Variants in MARCHF1 observed in about 807,000 individuals in gnomAD.
The protein encoded by MARCHF1 is membrane associated ring-CH-type finger 1, also known as E3 ubiquitin-protein ligase MARCHF1.
In MARCHF1, 40 loss-of-function variants were observed where a neutral mutation model predicts 54.2. The ratio of observed to expected loss-of-function variants is 0.74; its 90% CI spans 0.57 to 0.96. The LOEUF is 0.96. Among genes scored for constraint, MARCHF1 ranks in the 40% least tolerant of loss-of-function variants. The pLI, the probability that MARCHF1 is intolerant of heterozygous loss-of-function variation, is 0.00. For synonymous variants in MARCHF1, 236 were observed against 236.3 expected, an observed-to-expected ratio of 1.00 and a Z score of 0.01; for missense variants, 586 against 656.5, an observed-to-expected ratio of 0.89 and a Z score of 1.17.
chr4:163,692,016 A>G (rs1341972545), intron 5 of MARCHF1, among the ~76,000 whole-genome samples: 2 of 152,094 alleles, frequency 1.3e-5, no homozygotes, highest in East Asian at 1.9e-4. Flanking sequence ...ATGTGGTGCA[A>G]TTTGTCTGGC....
chr4:164,375,694 C>T (rs1422104050), intron 1 of MARCHF1, among the ~76,000 whole-genome samples: 2 of 152,174 alleles, frequency 1.3e-5, no homozygotes, highest in Non-Finnish European at 2.9e-5. Context: ...TGCACACACA[C>T]ATGTACAATT....
intron 4 of MARCHF1, among the ~76,000 whole-genome samples, chr4:163,734,491 A>T (rs949114396): frequency 2.0e-5 from 3 of 151,958 alleles, no homozygotes; most frequent in African/African-American, 7.2e-5. Context: ...AACGGCTGAC[A>T]CACAAAACAG....
chr4:164,167,405 G>A (rs1182406911), intron 1 of MARCHF1, among the ~76,000 whole-genome samples: 3 of 151,740 alleles, frequency 2.0e-5, no homozygotes, highest in Non-Finnish European at 4.4e-5. Flanking sequence ...TTCTAATGAT[G>A]TCCTTCACAA....
chr4:163,613,006 G>T lies in MARCHF1; in HGVS notation c.275C>A (p.Ser92Ter). 1 of 1,518,502 alleles carries T rather than the reference G, an allele frequency of 6.6e-7. No homozygotes were observed. Among genetic ancestry groups the T allele is most frequent in the Non-Finnish European group, 8.8e-7 (1 of 1,140,962 alleles). 94.1% of individuals were successfully genotyped at this position (1,518,502 alleles called of 1,614,324 possible). ...CATGACAGGGGTGCAATACTCAAAT[G>T]ACTCTTCTGACATGTCATGCAAGAT... ...SAILHDMSEE[S>*]FEYCTPVMVL... Residue 92 changes from serine to a stop codon, truncating the protein, a stop_gained, in exon 7 of 10, where the codon TCA (serine) becomes TAA (stop). Coordinates refer to ENST00000514618, the MANE Select transcript of MARCHF1 (RefSeq NM_001394959.1). LOFTEE classifies it high-confidence loss of function.
intron 3 of MARCHF1, among the ~76,000 whole-genome samples, chr4:163,919,594 TTTA>T (rs1418247746): frequency 2.0e-5 from 3 of 152,038 alleles, no homozygotes; most frequent in African/African-American, 7.2e-5. Flanking sequence ...TTTTAAGAAT[TTTA>T]AAAGATACAT....
At chr4:163,797,035 C>T (rs1747937665) in intron 4 of MARCHF1, among the ~76,000 whole-genome samples, 1 of 152,084 alleles carries the variant, frequency 6.6e-6, no homozygotes. Context: ...TAACCAGAGA[C>T]ATATCTTATA....
intron 5 of MARCHF1, among the ~76,000 whole-genome samples, chr4:163,629,530 T>C (rs1159803164): frequency 5.3e-5 from 8 of 152,044 alleles, no homozygotes; most frequent in East Asian, 1.9e-4. Context: ...GCAAAAGCAA[T>C]GGTAACACAA....
At chr4:164,011,747 A>G (rs1206307141) in intron 2 of MARCHF1, among the ~76,000 whole-genome samples, 2 of 152,242 alleles carry the variant, frequency 1.3e-5, no homozygotes, top group African/African-American at 2.4e-5. Flanking sequence ...AGCACCTTCA[A>G]TAGGAATCAA....
intron 7 of MARCHF1, among the ~76,000 whole-genome samples, chr4:163,589,927 G>T (rs1017319406): frequency 6.6e-6 from 1 of 151,996 alleles, no homozygotes; most frequent in Non-Finnish European, 1.5e-5. Context: ...CAGTCTGCTT[G>T]CAATCCAGTC....
intron 7 of MARCHF1, among the ~76,000 whole-genome samples, chr4:163,593,008 T>C (rs1480799081): frequency 6.6e-6 from 1 of 152,114 alleles, no homozygotes; most frequent in African/African-American, 2.4e-5. Flanking sequence ...TCTTTTAGGA[T>C]AATCCCTTCC....
chr4:164,096,713 T>C (rs779437578), intron 2 of MARCHF1, among the ~76,000 whole-genome samples: 28 of 152,142 alleles, frequency 1.8e-4, no homozygotes, highest in Non-Finnish European at 3.7e-4. Flanking sequence ...TGTTATTCTA[T>C]ACTAACATTA....
At chr4:163,843,794 T>C (rs1420763270) in intron 4 of MARCHF1, among the ~76,000 whole-genome samples, 1 of 151,956 alleles carries the variant, frequency 6.6e-6, no homozygotes, top group Non-Finnish European at 1.5e-5. Flanking sequence ...TCTATTTTTT[T>C]TTTAACTTTT....
At chr4:163,630,749 A>C (rs149517261) in intron 5 of MARCHF1, among the ~76,000 whole-genome samples, 1 of 152,128 alleles carries the variant, frequency 6.6e-6, no homozygotes. Context: ...TGATAAAGGA[A>C]ATGTTAAAAA....
At chr4:163,634,293 C>T (rs965076274) in intron 5 of MARCHF1, among the ~76,000 whole-genome samples, 128 of 150,290 alleles carry the variant, frequency 8.5e-4, no homozygotes, top group African/African-American at 2.9e-3. Flanking sequence ...TTAAAACACA[C>T]AGACTGGCAA....
At chr4:164,039,988 CTATA>C (rs1754090067) in intron 2 of MARCHF1, among the ~76,000 whole-genome samples, 1 of 144,930 alleles carries the variant, frequency 6.9e-6, no homozygotes, top group Non-Finnish European at 1.5e-5. Flanking sequence ...TATATATAAA[CTATA>C]TATGCTTGTA....
chr4:163,606,143 C>A lies in MARCHF1; in HGVS notation c.1010+6128G>T, dbSNP rs148281978. On this transcript the variant is annotated intron_variant, in intron 7 of 9. Coordinates refer to ENST00000514618, the MANE Select transcript of MARCHF1 (RefSeq NM_001394959.1). Reference sequence around the variant, plus strand: ...CCTCAAACTCACCATCCAACCTAAGCTGGAGCTAGAGCATTACCAGGAGTT... The same window carrying A: ...CCTCAAACTCACCATCCAACCTAAGATGGAGCTAGAGCATTACCAGGAGTT... Among the ~76,000 whole-genome samples the A allele has an allele frequency of 8.9e-4, 136 of 152,238 alleles. 1 individual carries two copies. The highest frequency in any genetic ancestry group is 3.1e-3 in the African/African-American group (129 of 41,546).
chr4:164,317,064 T>G (rs868148225), intron 1 of MARCHF1, among the ~76,000 whole-genome samples: 3 of 152,164 alleles, frequency 2.0e-5, no homozygotes, highest in South Asian at 2.1e-4. Context: ...AAAAAGTTAT[T>G]CTATTATTGC....
At chr4:163,550,507 CTTT>C (rs35963243) in intron 8 of MARCHF1, among the ~76,000 whole-genome samples, 17,213 of 142,158 alleles carry the variant, frequency 0.12, 1,118 homozygotes, top group South Asian at 0.19. Flanking sequence ...TACGGTAGCC[CTTT>C]TTTTTTTTTT....
Position 163,900,896 on chromosome 4 carries a change from T to C in MARCHF1, c.-38-46727A>G, listed in dbSNP as rs998189169. Among the ~76,000 whole-genome samples the C allele has an allele frequency of 2.6e-5, 4 of 152,192 alleles. 1 individual carries two copies. The highest frequency in any genetic ancestry group is 4.1e-4 in the South Asian group (2 of 4,838). On this transcript the variant is annotated intron_variant, in intron 3 of 9. Coordinates refer to ENST00000514618, the MANE Select transcript of MARCHF1 (RefSeq NM_001394959.1). ...TAAATATTAATATATCATTTAACAA[T>C]TAACATTTTATATGAAGAATGGTTC...
Sources: gnomAD v4.1 joint callset for allele counts (sites outside exome capture counted in the v4.1 genomes callset) on GRCh38, gnomAD v4.1.1 for gene constraint, MANE v1.5 for transcripts, NCBI Gene and HGNC (gene_info 2026-07-23, HGNC 2026-07-21) for gene names.